F5: variants seen among roughly 807,000 people sequenced by gnomAD.
The protein encoded by F5 is coagulation factor V.
F5 carries 138 observed loss-of-function variants against 216.4 expected under a neutral mutation model. The observed-to-expected ratio is 0.64, with a 90% CI of 0.56 to 0.73. The LOEUF is 0.73. F5 is among the 30% of genes least tolerant of loss of function. The probability of loss-of-function intolerance (pLI) is 0.00; values close to 1 mark genes in which losing one functional copy is unlikely to be tolerated. For synonymous variants in F5, 916 were observed against 930.7 expected, an observed-to-expected ratio of 0.98 and a Z score of 0.29; for missense variants, 2,403 against 2,674.0, an observed-to-expected ratio of 0.90 and a Z score of 2.24.
At chr1:169,516,232 G>A (rs915299138) in intron 23 of F5, among the ~76,000 whole-genome samples, 2 of 152,076 alleles carry the variant, frequency 1.3e-5, no homozygotes, top group Non-Finnish European at 2.9e-5. Flanking sequence ...AAAACCATAA[G>A]TAGAGCTTGA....
intron 2 of F5, among the ~76,000 whole-genome samples, chr1:169,575,387 C>T (rs965851609): frequency 6.6e-6 from 1 of 152,138 alleles, no homozygotes; most frequent in African/African-American, 2.4e-5. Context: ...CTTTGTAAGC[C>T]TCATAGAGTT....
chr1:169,567,559 T>C (rs1248749757), intron 3 of F5, among the ~76,000 whole-genome samples: 2 of 133,594 alleles, frequency 1.5e-5, no homozygotes, highest in East Asian at 4.7e-4. Flanking sequence ...TTTTTTTTTT[T>C]GGTAATAAGT....
rs1557914287 is a variant in F5, at chr1:169,540,591, T to A, written c.4499A>T (p.Asp1500Val). 1 of 1,614,000 alleles carries A rather than the reference T, an allele frequency of 6.2e-7. No individual in the cohort carries two copies. Among genetic ancestry groups the A allele is most frequent in the Non-Finnish European group, 8.5e-7 (1 of 1,179,978 alleles). ...ATTAAATTCCTTTGATAGAAAAGTA[T>A]CATTGAGAGTAGGAGATGAAGGAGA... Reference protein sequence around the residue: ...MPSPSSPTLNDTFLSKEFNPL... With the variant: ...MPSPSSPTLNVTFLSKEFNPL... Residue 1500 changes from aspartate to valine, a missense_variant, in exon 13 of 25, where the codon GAT becomes GTT. Coordinates refer to ENST00000367797, the MANE Select transcript of F5 (RefSeq NM_000130.5).
chr1:169,555,472 C>T, intron 6 of F5, 125 bp from the exon 7 acceptor site: 1 of 1,071,852 alleles, frequency 9.3e-7, no homozygotes, highest in South Asian at 1.4e-5. Flanking sequence ...AAGTAATGCT[C>T]AGGCAATTTT....
rs56872536 is a variant in F5 at position 169,540,543 on chromosome 1, C to A, written c.4547G>T (p.Ser1516Ile). The A allele has an allele frequency of 6.2e-7, 1 of 1,613,972 alleles. No individual in the cohort carries two copies. Among genetic ancestry groups the A allele is most frequent in the African/African-American group, 1.3e-5 (1 of 75,030 alleles). ...EFNPLVIVGL[S>I]KDGTDYIEII... ...CTCAATGTAATCTGTACCATCTTTA[C>A]TGAGGCCCACTATAACCAGTGGATT... The change falls in exon 13 of 25, where the codon AGT becomes ATT. Residue 1516 changes from serine (S) to isoleucine (I), a missense_variant. Around this residue, in one of 4 missense-constraint regions of F5, gnomAD observed 293 missense variants for 270.8 expected, o/e 1.08. Transcript: ENST00000367797.
intron 2 of F5, among the ~76,000 whole-genome samples, chr1:169,578,925 C>A (rs1025592555): frequency 6.6e-6 from 1 of 152,030 alleles, no homozygotes; most frequent in African/African-American, 2.4e-5. Context: ...ATGTTTTATC[C>A]CCACATTTTC....
At chr1:169,516,377 G>A (rs2101802234) in intron 23 of F5, among the ~76,000 whole-genome samples, 1 of 152,226 alleles carries the variant, frequency 6.6e-6, no homozygotes, top group South Asian at 2.1e-4. Context: ...TTACCTTTGG[G>A]AGATTTATCG....
At chr1:169,533,624 A>G (rs1300566143) in intron 14 of F5, among the ~76,000 whole-genome samples, 1 of 152,182 alleles carries the variant, frequency 6.6e-6, no homozygotes, top group Non-Finnish European at 1.5e-5. Context: ...ACATACAAAT[A>G]GCCAACAAAT....
At position 169,523,325 on chromosome 1, in the gene F5, T is replaced by A; in HGVS notation, c.5920A>T (p.Thr1974Ser). The change falls in exon 21 of 25, where the codon ACA becomes TCA. Residue 1974 changes from threonine to serine, a missense_variant. Around this residue, in one of 4 missense-constraint regions of F5, gnomAD observed 659 missense variants for 787.9 expected, o/e 0.84. Coordinates refer to ENST00000367797, the MANE Select transcript of F5 (RefSeq NM_000130.5). ...QVDMQKEVII[T>S]GIQTQGAKHY... Reference sequence around the variant, plus strand: ...TTGGCACCTTGGGTCTGGATCCCTGTGATTATGACTTCCTTTTGCATGTCC... The same window carrying A: ...TTGGCACCTTGGGTCTGGATCCCTGAGATTATGACTTCCTTTTGCATGTCC... 6.2e-7 allele frequency: 1 copy of A among 1,614,080 alleles called. No homozygotes were observed. The highest frequency in any genetic ancestry group is 8.5e-7 in the Non-Finnish European group (1 of 1,179,956).
At chr1:169,565,277 T>C (rs566242326) in intron 3 of F5, among the ~76,000 whole-genome samples, 1 of 152,282 alleles carries the variant, frequency 6.6e-6, no homozygotes, top group South Asian at 2.1e-4. Context: ...TGAGATTATG[T>C]GACTAATTCA....
At chr1:169,559,379 C>A in intron 4 of F5, 83 bp from the exon 5 acceptor site, 1 of 1,355,944 alleles carries the variant, frequency 7.4e-7, no homozygotes, top group East Asian at 2.3e-5. Flanking sequence ...GAGTTTAGGG[C>A]AAGCAATCAA....
At position 169,582,483 on chromosome 1, in the gene F5, G is replaced by A. The variant is rs1447177387; in HGVS notation, c.198C>T (p.Tyr66=). ...TCTTAAAATATGGTTCATACTCTCT[G>A]TAGACAATTTTCTTAAAGGAAGTTA... ...LSVTSFKKIV[Y]REYEPYFKKE... is the part of the protein sequence containing the mutation. The change falls in exon 2 of 25, where the codon TAC becomes TAT. Residue 66 remains tyrosine (Y), a synonymous_variant. Coordinates refer to ENST00000367797, the MANE Select transcript of F5 (RefSeq NM_000130.5). The A allele has an allele frequency of 1.3e-6, 2 of 1,563,860 alleles. No individual in the cohort carries two copies. Among genetic ancestry groups the A allele is most frequent in the Non-Finnish European group, 1.8e-6 (2 of 1,137,796 alleles).
intron 14 of F5, among the ~76,000 whole-genome samples, chr1:169,533,485 C>T (rs1000356608): frequency 6.6e-6 from 1 of 152,046 alleles, no homozygotes; most frequent in Non-Finnish European, 1.5e-5. Flanking sequence ...AAAATATTCA[C>T]AAAGTATGTA....
Position 169,512,273 on chromosome 1 carries a change from T to A in F5, c.*2040A>T, listed in dbSNP as rs1571553150. On this transcript the variant is annotated 3_prime_UTR_variant, in exon 25 of 25. Coordinates refer to ENST00000367797, the MANE Select transcript of F5 (RefSeq NM_000130.5). ...GGCCTTATTTTTCTCAAGTAGAGAA[T>A]AACGAAGCTGGATCTCATGCTCCAT... Among the ~76,000 whole-genome samples, 1 of 152,110 alleles carries A rather than the reference T, an allele frequency of 6.6e-6. No homozygotes were observed. The highest frequency in any genetic ancestry group is 2.4e-5 in the African/African-American group (1 of 41,520).
intron 11 of F5, among the ~76,000 whole-genome samples, chr1:169,545,586 T>C (rs1659978124): frequency 6.6e-6 from 1 of 152,238 alleles, no homozygotes; most frequent in African/African-American, 2.4e-5. Flanking sequence ...TCTAGAACTA[T>C]GATAGATTCA....
At chr1:169,560,856 T>A in intron 3 of F5, 90 bp from the exon 4 acceptor site, 1 of 1,068,328 alleles carries the variant, frequency 9.4e-7, no homozygotes, top group Non-Finnish European at 1.4e-6. Flanking sequence ...TAAGATGAGT[T>A]CTCTGGAGAT....
intron 7 of F5, 63 bp downstream of exon 7, chr1:169,555,119 A>C: frequency 6.3e-7 from 1 of 1,588,522 alleles, no homozygotes; most frequent in Non-Finnish European, 8.6e-7. Flanking sequence ...CACCCCAAAC[A>C]TCTAGGACCC....
rs146594078 is a variant in F5, at chr1:169,542,191, C to T, written c.2899G>A (p.Ala967Thr). The T allele has an allele frequency of 7.2e-5, 117 of 1,614,138 alleles. No homozygotes were observed. In the African/African-American group the frequency reaches 1.4e-3, roughly 19 times the overall value. The change falls in exon 13 of 25, where the codon GCT becomes ACT. Residue 967 changes from alanine (A) to threonine (T), a missense_variant. Around this residue, in one of 4 missense-constraint regions of F5, gnomAD observed 1,425 missense variants for 1,554.8 expected, o/e 0.92. Transcript: ENST00000367797. ...GGGCTGATCAGCCAATTGTTAACAGCTGTGTCTTCATCAGTATCTTGGATT... is the reference window on the plus strand; with the variant it reads ...GGGCTGATCAGCCAATTGTTAACAGTTGTGTCTTCATCAGTATCTTGGATT... ...EIIQDTDEDTAVNNWLISPQN... is the reference protein window; with the variant it reads ...EIIQDTDEDTTVNNWLISPQN...
At chr1:169,584,331 GT>G (rs1661055269) in intron 1 of F5, among the ~76,000 whole-genome samples, 1 of 152,152 alleles carries the variant, frequency 6.6e-6, no homozygotes, top group African/African-American at 2.4e-5. Context: ...TGTACGACGA[GT>G]TTTTCATTTA....
Sources: gnomAD v4.1 joint callset for allele counts (sites outside exome capture counted in the v4.1 genomes callset) on GRCh38, gnomAD v4.1.1 for gene constraint, gnomAD v4.1.1 regional missense constraint, MANE v1.5 for transcripts, NCBI Gene and HGNC (gene_info 2026-07-23, HGNC 2026-07-21) for gene names.